The following GIT2 variants were observed in gnomAD, a reference collection of about 807,000 sequenced individuals.
The protein encoded by GIT2 is ARF GTPase-activating protein GIT2.
In GIT2, 32 loss-of-function variants were observed where a neutral mutation model predicts 100.3. That is an observed-to-expected ratio of 0.32 (90% confidence interval 0.24 to 0.43). GIT2 has a LOEUF of 0.43. GIT2 is among the 20% of genes least tolerant of loss of function. The pLI is 1.00. For synonymous variants in GIT2, 353 were observed against 364.1 expected (o/e 0.97, Z 0.35); for missense variants, 737 against 975.1 (o/e 0.76, Z 3.25).
chr12:109,939,176 T>C lies in GIT2; in HGVS notation c.1803A>G (p.Pro601=). 1 of 1,606,376 alleles carries C rather than the reference T, an allele frequency of 6.2e-7. No homozygotes were observed. Among genetic ancestry groups the C allele is most frequent in the Non-Finnish European group, 8.5e-7 (1 of 1,173,118 alleles). ...TCCTGTGCATGTACCCCATGCCATCTGGCTCCATGTCGTTGGGAGTGTTGT... is the reference window on the plus strand; with the variant it reads ...TCCTGTGCATGTACCCCATGCCATCCGGCTCCATGTCGTTGGGAGTGTTGT... ...DYDNTPNDME[P]DGMGSSRKGR... The change falls in exon 17 of 20, where the codon CCA becomes CCG. Residue 601 remains proline (P), a synonymous_variant. Transcript: ENST00000355312.
At chr12:109,965,833 G>A in intron 8 of GIT2, 1 of 607,828 alleles carries the variant, frequency 1.6e-6, no homozygotes, top group Middle Eastern at 2.7e-4. Context: ...AACGACAAAA[G>A]CTATTGCCAG....
rs1478294664 is a variant in GIT2 at position 109,948,095 on chromosome 12, T to C, written c.1393-591A>G. 3 of 939,820 alleles carry C rather than the reference T, an allele frequency of 3.2e-6. No individual in the cohort carries two copies. The African/African-American group carries it at 5.3e-5, about 17-fold the overall frequency. The allele number at this position is 939,820 out of a possible 1,614,324, so 58.2% of individuals were successfully genotyped here. A position where few individuals can be genotyped will look rare whatever the true frequency, so the allele number is the denominator to read the frequency against. Reference sequence around the variant, plus strand: ...AACAAGTTTTTATTACATAATACTCTTGATATTCCAAACAATTCAGCACTT... The same window carrying C: ...AACAAGTTTTTATTACATAATACTCCTGATATTCCAAACAATTCAGCACTT... On this transcript the variant is annotated intron_variant, in intron 14 of 19. Transcript: ENST00000355312. This position sits in a 1 kb window ranked among gnomAD's most constrained non-coding sequence, Gnocchi z 4.3.
chr12:109,934,100 A>T lies in GIT2; in HGVS notation c.2004-15T>A. On this transcript the variant is annotated splice_polypyrimidine_tract_variant and intron_variant, in intron 18 of 19. Transcript: ENST00000355312. The surrounding 1 kb of genome is among the most constrained non-coding windows in gnomAD (Gnocchi z 4.5). Reference sequence around the variant, plus strand: ...AGGGAATATAACTGCAAGAATATTGAAGAAGTTATTCAATGACAGTAAAAA... The same window carrying T: ...AGGGAATATAACTGCAAGAATATTGTAGAAGTTATTCAATGACAGTAAAAA... 1 of 1,416,932 alleles carries T rather than the reference A, an allele frequency of 7.1e-7. No homozygotes were observed. Among genetic ancestry groups the T allele is most frequent in the Non-Finnish European group, 1.0e-6 (1 of 1,000,680 alleles). The allele number at this position is 1,416,932 out of a possible 1,614,324, so 87.8% of individuals were successfully genotyped here.
intron 16 of GIT2, among the ~76,000 whole-genome samples, chr12:109,941,020 C>T (rs78829925): frequency 6.6e-6 from 1 of 152,104 alleles, no homozygotes; most frequent in Admixed American, 6.6e-5. Context: ...CGTGGAGAAG[C>T]CCCCCTTATT....
intron 16 of GIT2, among the ~76,000 whole-genome samples, chr12:109,941,617 G>A (rs1158899147): frequency 6.6e-6 from 1 of 151,844 alleles, no homozygotes; most frequent in Non-Finnish European, 1.5e-5. Context: ...CGCCTCCCAG[G>A]TTCAAGCAAT....
chr12:109,938,306 A>G, intron 18 of GIT2, 74 bp downstream of exon 18: 1 of 1,023,566 alleles, frequency 9.8e-7, no homozygotes, highest in East Asian at 2.4e-5. Context: ...AGCTGCCATT[A>G]GGAACATGGG....
At chr12:109,999,618 C>G, upstream of GIT2, 1 of 1,304,628 alleles carries the variant, frequency 7.7e-7, no homozygotes, top group Non-Finnish European at 1.0e-6. This position sits in a 1 kb window ranked among gnomAD's most constrained non-coding sequence, Gnocchi z 4.3. Context: ...GGCAGGCAGG[C>G]GGGCGCGGGA....
intron 6 of GIT2, 53 bp downstream of exon 6, chr12:109,983,320 C>G (rs1393132800): frequency 4.5e-6 from 7 of 1,560,386 alleles, no homozygotes; most frequent in Non-Finnish European, 8.8e-7. Context: ...AACAAGGAAT[C>G]ACACCCAACA....
rs370041129 is a variant in GIT2 at position 109,945,282 on chromosome 12, G to C, written c.1709C>G (p.Ser570Trp). 2 of 1,570,142 alleles carry C rather than the reference G, an allele frequency of 1.3e-6. No homozygotes were observed. The highest frequency in any genetic ancestry group is 1.8e-6 in the Non-Finnish European group (2 of 1,140,370). Residue 570 changes from serine to tryptophan, a missense_variant, in exon 16 of 20, where the codon TCG (serine) becomes TGG (tryptophan). Physicochemically the swap from Ser to Trp is radical, Grantham distance 177 (BLOSUM62 -3). Around this residue, in one of 3 missense-constraint regions of GIT2, gnomAD observed 451 missense variants for 543.7 expected, o/e 0.83. Transcript: ENST00000355312. ...AACCCTTCGGGCGCTTTCGTCCCTC[G>C]ACCAGGAAAGTGTGGAGGGGAAGGA... The part of the protein sequence containing the change: ...LPSFPSTLSW[S>W]RDESARRASR...
chr12:109,963,934 T>C (rs1167162872), intron 9 of GIT2, among the ~76,000 whole-genome samples: 2 of 152,158 alleles, frequency 1.3e-5, no homozygotes, highest in Admixed American at 6.5e-5. Context: ...AGGGCTGAGA[T>C]ATGTACTGAC....
At position 109,932,338 on chromosome 12, in the gene GIT2, T is replaced by C. The variant is rs1027673188; in HGVS notation, c.*640A>G. The C allele has an allele frequency of 1.4e-4, 21 of 152,420 alleles. No homozygotes were observed. Among genetic ancestry groups the C allele is most frequent in the African/African-American group, 4.8e-4 (20 of 41,536 alleles). The allele number at this position is 152,420 out of a possible 1,614,324, so 9.4% of individuals were successfully genotyped here. A position where few individuals can be genotyped will look rare whatever the true frequency, so the allele number is the denominator to read the frequency against. ...GAGCCTTCAAGATGACAAGAAAACA[T>C]CAAGAGATAGGAGCTTGAGATAACA... On this transcript the variant is annotated 3_prime_UTR_variant, in exon 20 of 20. Transcript: ENST00000355312.
chr12:109,988,885 C>G, intron 4 of GIT2, 78 bp downstream of exon 4: 2 of 483,438 alleles, frequency 4.1e-6, no homozygotes, highest in Non-Finnish European at 7.4e-6. Flanking sequence ...CACAACCAGA[C>G]TTTTTTTTCG....
chr12:109,955,224 C>T (rs984940113), intron 12 of GIT2, among the ~76,000 whole-genome samples: 1 of 151,842 alleles, frequency 6.6e-6, no homozygotes, highest in East Asian at 2.0e-4. Flanking sequence ...CCCGGTTTCA[C>T]GCCATTCTCC....
In GIT2 at chr12:109,990,274, T is replaced by C. The variant is rs73421668; in HGVS notation, c.187-472A>G. 2.7e-3 allele frequency among the ~76,000 whole-genome samples: 409 copies of C among 152,312 alleles called. 2 individuals are homozygous for C. The highest frequency in any genetic ancestry group is 9.4e-3 in the African/African-American group (392 of 41,560). On this transcript the variant is annotated intron_variant, in intron 2 of 19. Coordinates refer to ENST00000355312, the MANE Select transcript of GIT2 (RefSeq NM_057169.5). ...AAAACATGTATTACCTACATCTGTC[T>C]TGAATACCACTGGTGGTTCCACATT...
At position 109,929,897 on chromosome 12, in the gene GIT2, T is replaced by C. The variant is rs965090598; in HGVS notation, c.*3081A>G. On this transcript the variant is annotated 3_prime_UTR_variant, in exon 20 of 20. Coordinates refer to ENST00000355312, the MANE Select transcript of GIT2 (RefSeq NM_057169.5). ...GGGCACAATAATTACAGGAATAGAA[T>C]GTACAATAAAAAGTACAGAATAATG... 6.6e-6 allele frequency: 1 copy of C among 152,632 alleles called. No homozygotes were observed. The highest frequency in any genetic ancestry group is 2.1e-4 in the South Asian group (1 of 4,836). The allele number at this position is 152,632 out of a possible 1,614,324, so 9.5% of individuals were successfully genotyped here. A position where few individuals can be genotyped will look rare whatever the true frequency, so the allele number is the denominator to read the frequency against.
chr12:109,993,708 G>A lies in GIT2; in HGVS notation c.53-1948C>T, dbSNP rs139121946. Among the ~76,000 whole-genome samples, 997 of 152,134 alleles carry A rather than the reference G, an allele frequency of 6.6e-3. 3 individuals carry two copies. Among genetic ancestry groups the A allele is most frequent in the African/African-American group, 0.022 (922 of 41,500 alleles). On this transcript the variant is annotated intron_variant, in intron 1 of 19. Transcript: ENST00000355312. The stretch of plus-strand genomic sequence containing the variant: ...CTCAGTATTCAGATATTTTCTAGAC[G>A]TGAAATTCATGATCACTGGACAAAG...
At chr12:109,975,733 A>G (rs952936229) in intron 7 of GIT2, among the ~76,000 whole-genome samples, 1 of 144,214 alleles carries the variant, frequency 6.9e-6, no homozygotes, top group African/African-American at 2.6e-5. Context: ...CTCCATTTTC[A>G]TTTACCTCTA....
At position 109,967,460 on chromosome 12, in the gene GIT2, G is replaced by T; in HGVS notation, c.762C>A (p.Asp254Glu). 1.3e-6 allele frequency: 2 copies of T among 1,593,058 alleles called. No homozygotes were observed. Among genetic ancestry groups the T allele is most frequent in the Non-Finnish European group, 1.7e-6 (2 of 1,160,944 alleles). Residue 254 changes from aspartate (D) to glutamate (E), a missense_variant and splice_region_variant, in exon 8 of 20, where the codon GAC becomes GAA. Asp to Glu is a conservative substitution (Grantham distance 45). Coordinates refer to ENST00000355312, the MANE Select transcript of GIT2 (RefSeq NM_057169.5). ...AACTGGTATTTCAATGAGCTTACCTGTCTGCCATTTGAGGTATTATAAAGT... is the reference window on the plus strand; with the variant it reads ...AACTGGTATTTCAATGAGCTTACCTTTCTGCCATTTGAGGTATTATAAAGT... Reference protein sequence around the residue: ...GQHFIIPQMADSSLDLSELAK... With the variant: ...GQHFIIPQMAESSLDLSELAK...
intron 7 of GIT2, among the ~76,000 whole-genome samples, chr12:109,978,177 G>A (rs1197100880): frequency 6.8e-6 from 1 of 147,756 alleles, no homozygotes; most frequent in East Asian, 2.0e-4. Flanking sequence ...CTACCTCCCA[G>A]GTTCAAGTGA....
Sources: gnomAD v4.1 joint callset for allele counts (sites outside exome capture counted in the v4.1 genomes callset) on GRCh38, gnomAD v4.1.1 for gene constraint, gnomAD v4.1.1 regional missense constraint, Gnocchi (gnomAD v3.1) non-coding constraint, MANE v1.5 for transcripts, NCBI Gene and HGNC (gene_info 2026-07-23, HGNC 2026-07-21) for gene names.